The following MICA variants were observed in gnomAD, a reference collection of about 807,000 sequenced individuals.
The protein encoded by MICA is HLA class I antigen.
In MICA, 18 loss-of-function variants were observed where a neutral mutation model predicts 34.3. That is an observed-to-expected ratio of 0.52 (90% CI 0.36 to 0.78). The LOEUF (loss-of-function observed/expected upper bound fraction) is 0.78. Ranked by LOEUF, MICA falls within the 30% of genes least tolerant of loss-of-function variation. MICA has a pLI of 0.00. For synonymous variants in MICA, 135 were observed against 156.9 expected, an observed-to-expected ratio of 0.86 and a Z score of 1.04; for missense variants, 333 against 409.4, an observed-to-expected ratio of 0.81 and a Z score of 1.61.
At chr6:31,403,298 A>T (rs925691525), upstream of MICA, among the ~76,000 whole-genome samples, 10 of 151,742 alleles carry the variant, frequency 6.6e-5, no homozygotes, top group Admixed American at 2.6e-4. This position sits in a 1 kb window ranked among gnomAD's most constrained non-coding sequence, Gnocchi z 4.7. Flanking sequence ...GGTGGTCGCG[A>T]TGCCGGGAGG....
chr6:31,413,954 G>T (rs1026258666), intron 5 of MICA, among the ~76,000 whole-genome samples: 6 of 152,034 alleles, frequency 3.9e-5, no homozygotes, highest in African/African-American at 1.5e-4. Flanking sequence ...CTCTAATATT[G>T]TGAAGCATAT....
intron 4 of MICA, 32 bp downstream of exon 4, chr6:31,412,257 G>C (rs112243036): frequency 1.2e-6 from 2 of 1,605,872 alleles, no homozygotes; most frequent in Admixed American, 1.7e-5. Context: ...AGAGGGTCAG[G>C]CCAGGGTAGG....
chr6:31,410,015 C>A (rs1771002353), intron 1 of MICA, among the ~76,000 whole-genome samples: 1 of 151,558 alleles, frequency 6.6e-6, no homozygotes, highest in Non-Finnish European at 1.5e-5. Context: ...CTATAAACTT[C>A]TCTGGGGCTA....
At chr6:31,403,116 G>A (rs1316175269), upstream of MICA, among the ~76,000 whole-genome samples, 3 of 151,876 alleles carry the variant, frequency 2.0e-5, no homozygotes, top group Non-Finnish European at 2.9e-5. The surrounding 1 kb of genome is among the most constrained non-coding windows in gnomAD (Gnocchi z 4.7). Context: ...TGCAAATCTG[G>A]TCACTGGTCT....
rs1013523501 is a variant in MICA, at chr6:31,411,978, G to C, written c.645G>C (p.Glu215Asp). 1 of 1,612,974 alleles carries C rather than the reference G, an allele frequency of 6.2e-7. No individual in the cohort carries two copies. Among genetic ancestry groups the C allele is most frequent in the Admixed American group, 1.7e-5 (1 of 59,696 alleles). ...VPPMVNVTRSEASEGNITVTC... is the reference protein window; with the variant it reads ...VPPMVNVTRSDASEGNITVTC... ...CCATGGTGAATGTCACCCGCAGCGA[G>C]GCCTCAGAGGGCAACATCACCGTGA... Residue 215 changes from glutamate to aspartate, a missense_variant, in exon 4 of 6, where the codon GAG becomes GAC. Physicochemically the swap from Glu to Asp is conservative, Grantham distance 45. Transcript: ENST00000449934. This position sits in a 1 kb window ranked among gnomAD's most constrained non-coding sequence, Gnocchi z 4.3.
chr6:31,411,355 A>G lies in MICA; in HGVS notation c.609A>G (p.Arg203=), dbSNP rs1771141123. Residue 203 remains arginine, a synonymous_variant, in exon 3 of 6, where the codon AGA becomes AGG. Transcript: ENST00000449934. The surrounding 1 kb of genome is among the most constrained non-coding windows in gnomAD (Gnocchi z 4.3). ...TAGAATCCGGCGTAGTCCTGAGGAG[A>G]ACAGGTACCGACGCTGGCCAGGGGC... is the stretch of plus-strand genomic sequence containing the variant. The part of the protein sequence containing the change: ...RYLESGVVLR[R]TVPPMVNVTR... 4 of 1,562,888 alleles carry G rather than the reference A, an allele frequency of 2.6e-6. No homozygotes were observed. The highest frequency in any genetic ancestry group is 3.5e-6 in the Non-Finnish European group (4 of 1,154,274).
At chr6:31,410,974 A>G (rs2853982) in intron 2 of MICA, 98 bp from the exon 3 acceptor site, 238,754 of 1,474,234 alleles carry the variant, frequency 0.16, 22,464 homozygotes, top group Middle Eastern at 0.39. Context: ...GGAGGCATGG[A>G]GGAGGGCCAG....
Position 31,410,707 on chromosome 6 carries a change from A to C in MICA, c.235A>C (p.Asn79His), listed in dbSNP as rs17206532. Residue 79 changes from asparagine (N) to histidine (H), a missense_variant, in exon 2 of 6, where the codon AAT (asparagine) becomes CAT (histidine). Asn to His is a moderately conservative substitution (Grantham distance 68). Coordinates refer to ENST00000449934, the MANE Select transcript of MICA (RefSeq NM_001177519.3). ...ACAGTGGGCAGAAGATGTCCTGGGA[A>C]ATAAGACATGGGACAGAGAGACCAG... Reference protein sequence around the residue: ...QGQWAEDVLGNKTWDRETRDL... With the variant: ...QGQWAEDVLGHKTWDRETRDL... 4 of 1,612,306 alleles carry C rather than the reference A, an allele frequency of 2.5e-6. No homozygotes were observed. Among genetic ancestry groups the C allele is most frequent in the Non-Finnish European group, 3.4e-6 (4 of 1,179,620 alleles).
chr6:31,408,245 G>C (rs1384354236), intron 1 of MICA, among the ~76,000 whole-genome samples: 3 of 151,870 alleles, frequency 2.0e-5, no homozygotes, highest in African/African-American at 7.3e-5. Flanking sequence ...AATGTGGTTT[G>C]CTAGTATTTC....
rs1051792 is a variant in MICA at position 31,411,200 on chromosome 6, G to A, written c.454G>A (p.Val152Met). 472,767 of 1,612,522 alleles carry A rather than the reference G, an allele frequency of 0.29. 74,084 individuals are homozygous for A. The highest frequency in any genetic ancestry group is 0.45 in the African/African-American group (33,681 of 74,674). ...AAACCTGGAGACTGAGGAATGGACAGTGCCCCAGTCCTCCAGAGCTCAGAC... is the reference window on the plus strand; with the variant it reads ...AAACCTGGAGACTGAGGAATGGACAATGCCCCAGTCCTCCAGAGCTCAGAC... Reference protein sequence around the residue: ...SQNLETEEWTVPQSSRAQTLA... With the variant: ...SQNLETEEWTMPQSSRAQTLA... The change falls in exon 3 of 6, where the codon GTG becomes ATG. Residue 152 changes from valine to methionine, a missense_variant. Physicochemically the swap from Val to Met is conservative, Grantham distance 21. Transcript: ENST00000449934. This position sits in a 1 kb window ranked among gnomAD's most constrained non-coding sequence, Gnocchi z 4.3.
intron 1 of MICA, among the ~76,000 whole-genome samples, chr6:31,407,059 T>A (rs1412725702): frequency 6.6e-6 from 1 of 151,910 alleles, no homozygotes; most frequent in East Asian, 1.9e-4. Flanking sequence ...CCATATGCAT[T>A]TTAGGATTAT....
At chr6:31,414,592 C>T (rs1342674391) in intron 5 of MICA, among the ~76,000 whole-genome samples, 1 of 152,008 alleles carries the variant, frequency 6.6e-6, no homozygotes, top group African/African-American at 2.4e-5. Flanking sequence ...GGGCAGAGCC[C>T]ACAGTGGGCA....
In MICA at chr6:31,411,841, C is replaced by A; in HGVS notation, c.614-106C>A. 6.8e-7 allele frequency: 1 copy of A among 1,474,824 alleles called. No individual in the cohort carries two copies. The highest frequency in any genetic ancestry group is 1.4e-5 in the South Asian group (1 of 72,486). 91.4% of individuals were successfully genotyped at this position (1,474,824 alleles called of 1,614,324 possible). A position where few individuals can be genotyped will look rare whatever the true frequency, so the allele number is the denominator to read the frequency against. ...AGGACAGACTTGCAGGTCAGGGGTC[C>A]CGGAGGGCTTCAGCCAGAGTGAGAA... On this transcript the variant is annotated intron_variant, in intron 3 of 5. Coordinates refer to ENST00000449934, the MANE Select transcript of MICA (RefSeq NM_001177519.3). The surrounding 1 kb of genome is among the most constrained non-coding windows in gnomAD (Gnocchi z 4.3).
At chr6:31,406,304 C>A (rs145353667) in intron 1 of MICA, among the ~76,000 whole-genome samples, 1 of 151,774 alleles carries the variant, frequency 6.6e-6, no homozygotes, top group African/African-American at 2.4e-5. Flanking sequence ...CATCTGTTGA[C>A]GAATGATGTT....
Position 31,403,755 on chromosome 6 carries a change from C to T in MICA, c.70+53C>T. The stretch of plus-strand genomic sequence containing the variant: ...CGGAGCGGGAGCAGTGGGACGTTTC[C>T]GGGGGTCGGGTGGGTAGCGGCGAGC... On this transcript the variant is annotated intron_variant, in intron 1 of 5. Coordinates refer to ENST00000449934, the MANE Select transcript of MICA (RefSeq NM_001177519.3). This position sits in a 1 kb window ranked among gnomAD's most constrained non-coding sequence, Gnocchi z 4.7. 6.7e-7 allele frequency: 1 copy of T among 1,484,114 alleles called. No individual in the cohort carries two copies. Among genetic ancestry groups the T allele is most frequent in the East Asian group, 2.7e-5 (1 of 36,920 alleles). 91.9% of individuals were successfully genotyped at this position (1,484,114 alleles called of 1,614,324 possible). A position where few individuals can be genotyped will look rare whatever the true frequency, so the allele number is the denominator to read the frequency against.
In MICA at chr6:31,410,982, C is replaced by T. The variant is rs1412025288; in HGVS notation, c.326-90C>T. ...CACACAGGGAGGCATGGAGGAGGGC[C>T]AGGGAGGCATACCCCCTGGGCTGAG... On this transcript the variant is annotated intron_variant, in intron 2 of 5. Coordinates refer to ENST00000449934, the MANE Select transcript of MICA (RefSeq NM_001177519.3). 1.4e-5 allele frequency: 21 copies of T among 1,480,440 alleles called. No homozygotes were observed. The African/African-American group carries it at 2.7e-4, about 19-fold the overall frequency. 91.7% of individuals were successfully genotyped at this position (1,480,440 alleles called of 1,614,324 possible). A position where few individuals can be genotyped will look rare whatever the true frequency, so the allele number is the denominator to read the frequency against.
At chr6:31,410,932 C>T in intron 2 of MICA, 135 bp downstream of exon 2, 1 of 1,466,996 alleles carries the variant, frequency 6.8e-7, no homozygotes, top group South Asian at 1.4e-5. Flanking sequence ...TGGAACTCAG[C>T]AGGGAGGTGA....
intron 1 of MICA, among the ~76,000 whole-genome samples, chr6:31,407,481 C>T (rs971748746): frequency 6.6e-5 from 10 of 151,986 alleles, no homozygotes; most frequent in Non-Finnish European, 1.3e-4. Context: ...GGTGATCCAC[C>T]TGCCTCGGCC....
In MICA at chr6:31,403,727, C is replaced by T. The variant is rs1281967668; in HGVS notation, c.70+25C>T. 1 of 1,525,558 alleles carries T rather than the reference C, an allele frequency of 6.6e-7. No individual in the cohort carries two copies. Among genetic ancestry groups the T allele is most frequent in the Admixed American group, 2.1e-5 (1 of 46,852 alleles). The allele number at this position is 1,525,558 out of a possible 1,614,324, so 94.5% of individuals were successfully genotyped here. A position where few individuals can be genotyped will look rare whatever the true frequency, so the allele number is the denominator to read the frequency against. ...GGTGAGTGGCGTTCCTGGCGGTCCT[C>T]GGCGGAGCGGGAGCAGTGGGACGTT... On this transcript the variant is annotated intron_variant, in intron 1 of 5. Transcript: ENST00000449934. This position sits in a 1 kb window ranked among gnomAD's most constrained non-coding sequence, Gnocchi z 4.7.
Sources: gnomAD v4.1 joint callset for allele counts (sites outside exome capture counted in the v4.1 genomes callset) on GRCh38, gnomAD v4.1.1 for gene constraint, Gnocchi (gnomAD v3.1) non-coding constraint, MANE v1.5 for transcripts, NCBI Gene and HGNC (gene_info 2026-07-23, HGNC 2026-07-21) for gene names.